The following PWWP2B variants were observed in gnomAD, a reference collection of about 807,000 sequenced individuals.
The protein encoded by PWWP2B is PWWP domain containing 2B.
Under a neutral mutation model 15.5 loss-of-function variants are expected in PWWP2B, and 9 were observed. The ratio of observed to expected loss-of-function variants is 0.58; its 90% confidence interval spans 0.35 to 1.02. PWWP2B has a LOEUF of 1.02. Among genes scored for constraint, PWWP2B ranks in the 50% least tolerant of loss-of-function variants. The probability of loss-of-function intolerance (pLI) is 0.02; values close to 1 mark genes in which losing one functional copy is unlikely to be tolerated. For synonymous variants in PWWP2B, 474 were observed against 403.6 expected (o/e 1.17, Z -2.09); for missense variants, 864 against 865.3 (o/e 1.00, Z 0.02).
chr10:132,417,008 C>G lies in PWWP2B; in HGVS notation c.*17-53C>G. The G allele has an allele frequency of 1.9e-6, 3 of 1,605,932 alleles. No individual in the cohort carries two copies. In the South Asian group the frequency reaches 3.3e-5, roughly 18 times the overall value. ...GCTGCTCAGACCTTGAGGGGCTGGT[C>G]CCCCATACTCGACCCTGAGTTAAAT... On this transcript the variant is annotated intron_variant, in intron 2 of 2. Transcript: ENST00000305233.
intron 1 of PWWP2B, among the ~76,000 whole-genome samples, chr10:132,400,138 C>T (rs1457600765): frequency 5.9e-5 from 9 of 152,170 alleles, no homozygotes; most frequent in Non-Finnish European, 1.0e-4. Context: ...ATGATTCACT[C>T]AACAACCAAG....
intron 2 of PWWP2B, 104 bp downstream of exon 2, chr10:132,406,393 C>A: frequency 9.9e-7 from 1 of 1,014,864 alleles, no homozygotes; most frequent in Non-Finnish European, 1.4e-6. Flanking sequence ...GAGCCGCCGC[C>A]TGTGCCCCTC....
rs200902054 is a variant in PWWP2B, at chr10:132,405,536, G to A, written c.1036G>A (p.Glu346Lys). ...CCACCGTCTGGGGGACAGCGAGCAC[G>A]AGCCCGTGTACCGGGCCGAGCTGGT... ...KPHRLGDSEH[E>K]PVYRAELVGE... Residue 346 changes from glutamate (E) to lysine (K), a missense_variant, in exon 2 of 3, where the codon GAG becomes AAG. Physicochemically the swap from Glu to Lys is moderately conservative, Grantham distance 56. Coordinates refer to ENST00000305233, the MANE Select transcript of PWWP2B (RefSeq NM_138499.4). 1.0e-3 allele frequency: 1,601 copies of A among 1,603,886 alleles called. 3 individuals are homozygous for A. Among genetic ancestry groups the A allele is most frequent in the Non-Finnish European group, 1.0e-3 (1,223 of 1,178,906 alleles).
Position 132,405,988 on chromosome 10 carries a change from T to C in PWWP2B, c.1488T>C (p.Gly496=). 1 of 1,613,410 alleles carries C rather than the reference T, an allele frequency of 6.2e-7. No individual in the cohort carries two copies. Among genetic ancestry groups the C allele is most frequent in the Non-Finnish European group, 8.5e-7 (1 of 1,179,986 alleles). ...TGGCCGTGGGGGACATCGTCTGGGG[T>C]AAGATCCATGGTTTTCCTTGGTGGC... ...RTVAVGDIVW[G]KIHGFPWWPA... Residue 496 remains glycine (G), a synonymous_variant, in exon 2 of 3, where the codon GGT becomes GGC. Coordinates refer to ENST00000305233, the MANE Select transcript of PWWP2B (RefSeq NM_138499.4).
intron 1 of PWWP2B, among the ~76,000 whole-genome samples, chr10:132,403,675 C>T (rs550519781): frequency 9.8e-5 from 15 of 152,346 alleles, no homozygotes; most frequent in African/African-American, 2.9e-4. Flanking sequence ...GGGCACTAGC[C>T]GTTAAGCGCA....
intron 2 of PWWP2B, among the ~76,000 whole-genome samples, chr10:132,411,600 T>C (rs1197462756): frequency 2.0e-5 from 3 of 152,180 alleles, no homozygotes; most frequent in African/African-American, 7.2e-5. Context: ...GCACAGGCCA[T>C]GGGGGCAGCA....
At chr10:132,414,922 G>T (rs1590767155) in intron 2 of PWWP2B, among the ~76,000 whole-genome samples, 1 of 152,296 alleles carries the variant, frequency 6.6e-6, no homozygotes, top group African/African-American at 2.4e-5. Flanking sequence ...TGTGTCAGCG[G>T]GGCCTCCGAG....
intron 2 of PWWP2B, among the ~76,000 whole-genome samples, chr10:132,416,226 G>T (rs991762942): frequency 6.6e-6 from 1 of 152,230 alleles, no homozygotes. Flanking sequence ...GGCCCATGGG[G>T]CGCCTTTGTC....
At position 132,397,260 on chromosome 10, in the gene PWWP2B, C is replaced by G; in HGVS notation, c.34C>G (p.Arg12Gly). 1 of 1,321,168 alleles carries G rather than the reference C, an allele frequency of 7.6e-7. No homozygotes were observed. The highest frequency in any genetic ancestry group is 2.1e-5 in the South Asian group (1 of 47,636). The allele number at this position is 1,321,168 out of a possible 1,614,324, so 81.8% of individuals were successfully genotyped here. Residue 12 changes from arginine (R) to glycine (G), a missense_variant, in exon 1 of 3, where the codon CGG (arginine) becomes GGG (glycine). By Grantham distance (125) the Arg-to-Gly change is moderately radical (BLOSUM62 -2). Around this residue, in one of 2 missense-constraint regions of PWWP2B, gnomAD observed 736 missense variants for 687.7 expected, o/e 1.07. Transcript: ENST00000305233. ...EPRAGCRLPVRVEQVVNGALV... is the reference protein window; with the variant it reads ...EPRAGCRLPVGVEQVVNGALV... ...GCGCGCCGGCTGCCGGCTGCCGGTG[C>G]GGGTGGAGCAGGTCGTCAACGGCGC...
chr10:132,401,172 G>A (rs2069610087), intron 1 of PWWP2B, among the ~76,000 whole-genome samples: 1 of 152,210 alleles, frequency 6.6e-6, no homozygotes, highest in Non-Finnish European at 1.5e-5. Context: ...GGGCCCCCGT[G>A]TCCTTGCCAG....
At chr10:132,408,516 TGTG>T (rs1473849831) in intron 2 of PWWP2B, among the ~76,000 whole-genome samples, 2 of 152,208 alleles carry the variant, frequency 1.3e-5, no homozygotes, top group Non-Finnish European at 2.9e-5. Flanking sequence ...AGGAGGCTGG[TGTG>T]GGGGCTGGAG....
chr10:132,405,031 C>T lies in PWWP2B; in HGVS notation c.531C>T (p.Leu177=). 6.6e-7 allele frequency: 1 copy of T among 1,525,586 alleles called. No homozygotes were observed. 94.5% of individuals were successfully genotyped at this position (1,525,586 alleles called of 1,614,324 possible). The part of the protein sequence containing the change: ...STIRLRPRQV[L]CEKCKSTLSP... ...TCCGCCTGCGGCCGCGCCAGGTGCT[C>T]TGTGAGAAGTGCAAGAGCACGCTGA... Residue 177 remains leucine (L), a synonymous_variant, in exon 2 of 3, where the codon CTC becomes CTT. Coordinates refer to ENST00000305233, the MANE Select transcript of PWWP2B (RefSeq NM_138499.4).
At chr10:132,401,430 T>C (rs1349141806) in intron 1 of PWWP2B, among the ~76,000 whole-genome samples, 1 of 148,984 alleles carries the variant, frequency 6.7e-6, no homozygotes, top group Non-Finnish European at 1.5e-5. Flanking sequence ...GTCCTTCCCT[T>C]CCCCACAGGC....
Position 132,405,775 on chromosome 10 carries a change from C to T in PWWP2B, c.1275C>T (p.Ser425=), listed in dbSNP as rs766724858. ...GTGCCAGTGAGTCGGCGTGCAGCAG[C>T]GACAGCCTGGACGAGGCCAGATCGT... ...ADCASESACS[S]DSLDEARSSG... Residue 425 remains serine, a synonymous_variant, in exon 2 of 3, where the codon AGC becomes AGT. Transcript: ENST00000305233. 77 of 1,607,114 alleles carry T rather than the reference C, an allele frequency of 4.8e-5. No homozygotes were observed. In the East Asian group the frequency reaches 1.5e-3, roughly 31 times the overall value.
intron 2 of PWWP2B, among the ~76,000 whole-genome samples, chr10:132,410,707 G>T (rs2069767411): frequency 6.6e-6 from 1 of 152,210 alleles, no homozygotes; most frequent in South Asian, 2.1e-4. Flanking sequence ...GGGGCACTTG[G>T]TCCTGCACAG....
chr10:132,401,640 G>A (rs999998751), intron 1 of PWWP2B, among the ~76,000 whole-genome samples: 3 of 152,226 alleles, frequency 2.0e-5, no homozygotes, highest in Non-Finnish European at 2.9e-5. Context: ...CACTCTTCAC[G>A]TCCCAGGGTC....
intron 2 of PWWP2B, among the ~76,000 whole-genome samples, chr10:132,415,859 G>A (rs76742343): frequency 7.9e-5 from 12 of 152,284 alleles, no homozygotes; most frequent in African/African-American, 1.7e-4. Flanking sequence ...CATTGATCCC[G>A]GCTTGGTGCT....
At chr10:132,400,634 C>T (rs1420950835) in intron 1 of PWWP2B, among the ~76,000 whole-genome samples, 3 of 152,196 alleles carry the variant, frequency 2.0e-5, no homozygotes, top group South Asian at 2.1e-4. Flanking sequence ...GCCTGACCTG[C>T]CCGCCCTTTT....
intron 2 of PWWP2B, among the ~76,000 whole-genome samples, chr10:132,415,836 T>G (rs1185859816): frequency 6.6e-6 from 1 of 152,228 alleles, no homozygotes; most frequent in Admixed American, 6.5e-5. Context: ...TGCCGGCCCT[T>G]TCTTCTCTGT....
Sources: allele counts gnomAD v4.1 joint callset (sites outside exome capture counted in the v4.1 genomes callset), GRCh38; gene constraint gnomAD v4.1.1; regional missense constraint gnomAD v4.1.1; transcripts MANE v1.5; gene names NCBI Gene and HGNC (gene_info 2026-07-23, HGNC 2026-07-21).